RAD51B: variants seen among roughly 807,000 people sequenced by gnomAD.
The protein encoded by RAD51B is RAD51 paralog B.
Under a neutral mutation model 42.2 loss-of-function variants are expected in RAD51B, and 38 were observed. The ratio of observed to expected loss-of-function variants is 0.90; its 90% confidence interval spans 0.70 to 1.18. The LOEUF (loss-of-function observed/expected upper bound fraction) is 1.18. Ranked by LOEUF, RAD51B falls within the 50% of genes most tolerant of loss-of-function variation. The pLI is 0.00. For missense variants in RAD51B, 373 were observed against 400.7 expected, an observed-to-expected ratio of 0.93 and a Z score of 0.59; for synonymous variants, 154 against 145.2, an observed-to-expected ratio of 1.06 and a Z score of -0.43.
chr14:67,822,726 T>G (rs1166711046), intron 1 of RAD51B, among the ~76,000 whole-genome samples: 2 of 151,384 alleles, frequency 1.3e-5, no homozygotes, highest in East Asian at 1.9e-4. Flanking sequence ...TGTCTCGCTC[T>G]CTCTCTCTCT....
chr14:67,911,437 C>A (rs895665351), intron 7 of RAD51B, among the ~76,000 whole-genome samples: 3 of 152,070 alleles, frequency 2.0e-5, no homozygotes, highest in Non-Finnish European at 4.4e-5. Flanking sequence ...TTTATTTACT[C>A]GCAACTGGAT....
At chr14:67,988,642 T>A (rs1189930746) in intron 7 of RAD51B, among the ~76,000 whole-genome samples, 1 of 152,168 alleles carries the variant, frequency 6.6e-6, no homozygotes, top group African/African-American at 2.4e-5. Context: ...ATAGGATTGT[T>A]TGGGAGCTTA....
chr14:68,558,517 C>T (rs1220795902), intron 10 of RAD51B, among the ~76,000 whole-genome samples: 1 of 152,210 alleles, frequency 6.6e-6, no homozygotes, highest in East Asian at 1.9e-4. Flanking sequence ...AAGGGTCCTT[C>T]CTTGCCTCTT....
intron 10 of RAD51B, chr14:68,470,529 A>G (rs1465745169): frequency 2.0e-6 from 1 of 493,518 alleles, no homozygotes; most frequent in Non-Finnish European, 4.0e-6. Context: ...TCAGCTGGAA[A>G]ATGAAAACAT....
chr14:67,990,193 TCACC>T (rs533964658), intron 7 of RAD51B, among the ~76,000 whole-genome samples: 132 of 152,118 alleles, frequency 8.7e-4, no homozygotes, highest in Non-Finnish European at 1.6e-3. Flanking sequence ...AGATGGGGTT[TCACC>T]ATGTTGGCCA....
At chr14:68,368,598 G>T (rs1364831363) in intron 8 of RAD51B, among the ~76,000 whole-genome samples, 1 of 152,186 alleles carries the variant, frequency 6.6e-6, no homozygotes, top group Non-Finnish European at 1.5e-5. Context: ...CTGCTGTAAT[G>T]GAGTTGCTCA....
chr14:67,870,681 T>C (rs1375411921), intron 5 of RAD51B, among the ~76,000 whole-genome samples: 2 of 98,160 alleles, frequency 2.0e-5, no homozygotes, highest in East Asian at 4.5e-4. Context: ...ACCACATACT[T>C]GGAAGTAAAG....
intron 7 of RAD51B, among the ~76,000 whole-genome samples, chr14:67,977,589 T>C (rs891916354): frequency 6.6e-6 from 1 of 152,228 alleles, no homozygotes; most frequent in Non-Finnish European, 1.5e-5. Flanking sequence ...AAAGATAAGT[T>C]GAATAAGGAA....
At chr14:68,350,289 A>G (rs939988099) in intron 8 of RAD51B, among the ~76,000 whole-genome samples, 1 of 152,208 alleles carries the variant, frequency 6.6e-6, no homozygotes, top group Non-Finnish European at 1.5e-5. Flanking sequence ...TTGCATTCTG[A>G]TGTTTTCAGA....
intron 8 of RAD51B, among the ~76,000 whole-genome samples, chr14:68,305,204 G>A (rs1186762213): frequency 6.6e-6 from 1 of 152,148 alleles, no homozygotes; most frequent in Non-Finnish European, 1.5e-5. Context: ...ACTGTCCCAA[G>A]TAGAGTGAGA....
rs142801113 is a variant in RAD51B at position 68,101,075 on chromosome 14, A to G, written c.757-190809A>G. Among the ~76,000 whole-genome samples, 7 of 152,324 alleles carry G rather than the reference A, an allele frequency of 4.6e-5. No individual in the cohort carries two copies. In the East Asian group the frequency reaches 1.2e-3, roughly 25 times the overall value. ...TGAGCTAAATGGGGAAAAGCCCCTTATAAAACCATCAGATCTCGTGACAAC... is the reference window on the plus strand; with the variant it reads ...TGAGCTAAATGGGGAAAAGCCCCTTGTAAAACCATCAGATCTCGTGACAAC... On this transcript the variant is annotated intron_variant, in intron 7 of 10. Transcript: ENST00000471583.
chr14:68,236,552 C>G (rs1200201008), intron 7 of RAD51B: 1 of 152,192 alleles, frequency 6.6e-6, no homozygotes, highest in Non-Finnish European at 1.5e-5. Flanking sequence ...GATTGTGTAT[C>G]AAGGAATTTA....
chr14:68,301,325 G>T (rs1426951521), intron 8 of RAD51B, among the ~76,000 whole-genome samples: 7 of 152,122 alleles, frequency 4.6e-5, no homozygotes, highest in Admixed American at 2.6e-4. Context: ...TTCCTTCTGA[G>T]TAGGACTCTA....
intron 11 of RAD51B, among the ~76,000 whole-genome samples, chr14:68,655,064 A>C (rs1892782754): frequency 1.3e-5 from 2 of 151,960 alleles, no homozygotes; most frequent in Non-Finnish European, 2.9e-5. Context: ...GCTATGTAAC[A>C]CCTTTCCCCA....
At chr14:68,333,042 C>G (rs2082380016) in intron 8 of RAD51B, among the ~76,000 whole-genome samples, 1 of 152,132 alleles carries the variant, frequency 6.6e-6, no homozygotes, top group Non-Finnish European at 1.5e-5. Flanking sequence ...ACAACCCACC[C>G]ACCCAGCTGA....
intron 7 of RAD51B, among the ~76,000 whole-genome samples, chr14:67,986,336 G>T (rs1595209514): frequency 6.6e-6 from 1 of 152,310 alleles, no homozygotes; most frequent in Middle Eastern, 3.4e-3. Flanking sequence ...GATTAAGGAT[G>T]CCAGAGAATA....
intron 8 of RAD51B, among the ~76,000 whole-genome samples, chr14:68,363,198 A>G (rs377253160): frequency 1.3e-5 from 2 of 152,244 alleles, no homozygotes; most frequent in East Asian, 3.8e-4. Flanking sequence ...TACCCCTGAG[A>G]CTGCAAAGTA....
rs1286092864 is a variant in RAD51B, at chr14:68,510,933, G to C, written c.1036+42683G>C. Among the ~76,000 whole-genome samples the C allele has an allele frequency of 7.9e-5, 12 of 152,288 alleles. No homozygotes were observed. In the East Asian group the frequency reaches 2.1e-3, roughly 27 times the overall value. ...GGGCCAGCTCTGGCTCTGGGCTAGG[G>C]AAAATCATCAAACTGGAAGGGACAG... is the stretch of plus-strand genomic sequence containing the variant. On this transcript the variant is annotated intron_variant, in intron 10 of 10. Transcript: ENST00000487270.
chr14:68,171,051 C>A (rs564274811), intron 7 of RAD51B, among the ~76,000 whole-genome samples: 3 of 152,186 alleles, frequency 2.0e-5, no homozygotes, highest in Non-Finnish European at 4.4e-5. Flanking sequence ...TCCTCCATAA[C>A]CCATCAAGTG....
Sources: gnomAD v4.1 joint callset for allele counts (sites outside exome capture counted in the v4.1 genomes callset) on GRCh38, gnomAD v4.1.1 for gene constraint, MANE v1.5 for transcripts, NCBI Gene and HGNC (gene_info 2026-07-23, HGNC 2026-07-21) for gene names.